NPSR1: variants seen among roughly 807,000 people sequenced by gnomAD.
The protein encoded by NPSR1 is neuropeptide S receptor 1.
In NPSR1, 48 loss-of-function variants were observed where a neutral mutation model predicts 46.9. The observed-to-expected ratio is 1.02, with a 90% confidence interval of 0.81 to 1.30. The LOEUF (loss-of-function observed/expected upper bound fraction) is 1.30, where lower values mean the gene tolerates loss of function less well. Among genes scored for constraint, NPSR1 ranks in the 50% most tolerant of loss-of-function variants. The probability of loss-of-function intolerance (pLI) is 0.00; values close to 1 mark genes in which losing one functional copy is unlikely to be tolerated. For missense variants in NPSR1, 450 were observed against 449.5 expected (o/e 1.00, Z -0.01); for synonymous variants, 176 against 168.1 (o/e 1.05, Z -0.36).
chr7:34,763,867 A>G (rs754126029), intron 2 of NPSR1, among the ~76,000 whole-genome samples: 4 of 152,232 alleles, frequency 2.6e-5, no homozygotes, highest in African/African-American at 9.6e-5. Flanking sequence ...GGATATTATT[A>G]GACTTAACAA....
At chr7:34,727,406 T>G (rs80310780) in intron 2 of NPSR1, among the ~76,000 whole-genome samples, 1 of 152,200 alleles carries the variant, frequency 6.6e-6, no homozygotes, top group Admixed American at 6.5e-5. Context: ...AGAGGCCTGA[T>G]GTATTATTGA....
At chr7:34,681,206 A>T (rs1792617110) in intron 1 of NPSR1, among the ~76,000 whole-genome samples, 1 of 152,132 alleles carries the variant, frequency 6.6e-6, no homozygotes. Context: ...GCTGGGTCTC[A>T]ATCTTCCCTT....
intron 2 of NPSR1, among the ~76,000 whole-genome samples, chr7:34,703,587 T>C (rs1041283362): frequency 6.6e-6 from 1 of 152,110 alleles, no homozygotes; most frequent in Admixed American, 6.5e-5. Flanking sequence ...CCTCCACTTC[T>C]CCACAATTTT....
intron 3 of NPSR1, among the ~76,000 whole-genome samples, chr7:34,803,745 T>A (rs1788550061): frequency 7.8e-6 from 1 of 128,322 alleles, no homozygotes; most frequent in South Asian, 2.8e-4. Flanking sequence ...TAAAAAAAGA[T>A]AGCATGAGTA....
At chr7:34,690,513 C>T (rs963207260) in intron 2 of NPSR1, among the ~76,000 whole-genome samples, 10 of 151,936 alleles carry the variant, frequency 6.6e-5, no homozygotes, top group African/African-American at 2.4e-4. Context: ...CAATTCAGGA[C>T]ATGCAAGAAG....
chr7:34,853,683 G>A (rs1235085986), downstream of NPSR1, among the ~76,000 whole-genome samples: 8 of 152,106 alleles, frequency 5.3e-5, no homozygotes, highest in African/African-American at 1.2e-4. Flanking sequence ...TTACACGGCC[G>A]GGCATGGTGG....
chr7:34,827,638 T>TGGGGGG, intron 5 of NPSR1, 36 bp downstream of exon 5: 14 of 179,988 alleles, frequency 7.8e-5, no homozygotes, highest in Admixed American at 1.4e-4. Context: ...CACGGGGGGG[T>TGGGGGG]GGGGCGGGGG....
At chr7:34,768,515 T>A (rs957450587) in intron 2 of NPSR1, 5 of 152,164 alleles carry the variant, frequency 3.3e-5, no homozygotes, top group African/African-American at 1.2e-4. Context: ...AAAATGTAAT[T>A]GACTACTTGA....
At chr7:34,697,779 A>G (rs902479273) in intron 2 of NPSR1, among the ~76,000 whole-genome samples, 4 of 143,654 alleles carry the variant, frequency 2.8e-5, no homozygotes, top group Admixed American at 7.2e-5. Flanking sequence ...TACATATTAT[A>G]TAAAATCAAT....
At chr7:34,703,453 C>G (rs945369559) in intron 2 of NPSR1, among the ~76,000 whole-genome samples, 1 of 151,854 alleles carries the variant, frequency 6.6e-6, no homozygotes, top group Non-Finnish European at 1.5e-5. Context: ...AGAACCCACA[C>G]TTGATTGTCT....
rs1246017043 is a variant in NPSR1 at position 34,785,075 on chromosome 7, T to G, written c.384+6510T>G. On this transcript the variant is annotated intron_variant, in intron 3 of 8. Coordinates refer to ENST00000360581, the MANE Select transcript of NPSR1 (RefSeq NM_207172.2). ...TAAATCATGCTGCTATAAAGACACA[T>G]GCACACGTATGTTTATTGTGGCACT... is the stretch of plus-strand genomic sequence containing the variant. Among the ~76,000 whole-genome samples, 3 of 151,908 alleles carry G rather than the reference T, an allele frequency of 2.0e-5. No homozygotes were observed. The East Asian group carries it at 5.8e-4, about 29-fold the overall frequency.
At chr7:34,726,842 A>T (rs948642579) in intron 2 of NPSR1, among the ~76,000 whole-genome samples, 1 of 151,140 alleles carries the variant, frequency 6.6e-6, no homozygotes, top group African/African-American at 2.4e-5. Flanking sequence ...AAAAATCAGC[A>T]GCTTTCAGGG....
At chr7:34,755,194 C>G (rs79471276) in intron 2 of NPSR1, among the ~76,000 whole-genome samples, 1,547 of 152,248 alleles carry the variant, frequency 0.01, 26 homozygotes, top group African/African-American at 0.035. Flanking sequence ...TTCTAAGCAA[C>G]TACAGTTTTA....
At chr7:34,752,371 T>C (rs1289143671) in intron 2 of NPSR1, among the ~76,000 whole-genome samples, 2 of 152,064 alleles carry the variant, frequency 1.3e-5, no homozygotes, top group Non-Finnish European at 2.9e-5. Flanking sequence ...ATAAACTTGT[T>C]TGTGGAGGCC....
rs909604199 is a variant in NPSR1, at chr7:34,778,364, C to A, written c.281-98C>A. 3.1e-5 allele frequency: 20 copies of A among 636,652 alleles called. No homozygotes were observed. The South Asian group carries it at 4.1e-4, about 13-fold the overall frequency. The allele number at this position is 636,652 out of a possible 1,614,324, so 39.4% of individuals were successfully genotyped here. On this transcript the variant is annotated intron_variant, in intron 2 of 8. Coordinates refer to ENST00000360581, the MANE Select transcript of NPSR1 (RefSeq NM_207172.2). ...AGGAAGGAAAAAAATTAAAAATGAA[C>A]CTCCCCAGGATTTCATTTCTATTGT...
At position 34,658,465 on chromosome 7, in the gene NPSR1, C is replaced by A. The variant is rs149663215; in HGVS notation, c.53C>A (p.Thr18Lys). ...TTCGATTCCAGTGGGACCGGGCAGA[C>A]GCTGGATTCTTCCCCAGTGGCTTGC... ...GSFDSSGTGQ[T>K]LDSSPVACTE... is the part of the protein sequence containing the mutation. Residue 18 changes from threonine (T) to lysine (K), a missense_variant, in exon 1 of 9, where the codon ACG becomes AAG. Thr to Lys is a moderately conservative substitution (Grantham distance 78). Coordinates refer to ENST00000360581, the MANE Select transcript of NPSR1 (RefSeq NM_207172.2). 6.2e-7 allele frequency: 1 copy of A among 1,614,110 alleles called. No individual in the cohort carries two copies. Among genetic ancestry groups the A allele is most frequent in the Non-Finnish European group, 8.5e-7 (1 of 1,179,974 alleles).
chr7:34,693,319 T>C (rs1047377693), intron 2 of NPSR1, among the ~76,000 whole-genome samples: 2 of 118,762 alleles, frequency 1.7e-5, no homozygotes, highest in African/African-American at 8.3e-5. Context: ...AAATTACAAC[T>C]GATACTATAG....
At chr7:34,830,033 G>A (rs1790042567) in intron 5 of NPSR1, among the ~76,000 whole-genome samples, 1 of 152,194 alleles carries the variant, frequency 6.6e-6, no homozygotes, top group Admixed American at 6.5e-5. Context: ...CTCTCTTGGG[G>A]ACTAACATCC....
chr7:34,811,050 G>A (rs528784600), intron 3 of NPSR1, among the ~76,000 whole-genome samples: 1 of 152,252 alleles, frequency 6.6e-6, no homozygotes, highest in South Asian at 2.1e-4. Context: ...TAGTGTCTGG[G>A]GTGGGTGCCT....
Sources: gnomAD v4.1 joint callset for allele counts (sites outside exome capture counted in the v4.1 genomes callset) on GRCh38, gnomAD v4.1.1 for gene constraint, MANE v1.5 for transcripts, NCBI Gene and HGNC (gene_info 2026-07-23, HGNC 2026-07-21) for gene names.